Variants in AKR1C3 observed in about 807,000 individuals in gnomAD.
AKR1C3 encodes the protein 3-alpha hydroxysteroid dehydrogenase, type II.
In AKR1C3, 48 loss-of-function variants were observed where a neutral mutation model predicts 43.6. The ratio of observed to expected loss-of-function variants is 1.10; its 90% confidence interval spans 0.87 to 1.40. AKR1C3 has a LOEUF of 1.40. Ranked by LOEUF, AKR1C3 falls within the 40% of genes most tolerant of loss-of-function variation. AKR1C3 has a pLI of 0.00. For missense variants in AKR1C3, 482 were observed against 391.2 expected, an observed-to-expected ratio of 1.23 and a Z score of -1.96; for synonymous variants, 162 against 139.6, an observed-to-expected ratio of 1.16 and a Z score of -1.13.
intron 8 of AKR1C3, 127 bp downstream of exon 8, chr10:5,105,804 T>TC (rs1554787114): frequency 4.2e-6 from 3 of 712,438 alleles, no homozygotes; most frequent in African/African-American, 1.8e-5. Flanking sequence ...ACTGGAACTC[T>TC]CCTGCTGGAT....
At chr10:5,104,871 T>C (rs1485914059) in intron 7 of AKR1C3, among the ~76,000 whole-genome samples, 7 of 152,176 alleles carry the variant, frequency 4.6e-5, no homozygotes, top group Non-Finnish European at 1.0e-4. Context: ...TTCTAATGTG[T>C]AGAAATGTTA....
chr10:5,066,944 G>A (rs941906558), intron 1 of AKR1C3, among the ~76,000 whole-genome samples: 2 of 152,186 alleles, frequency 1.3e-5, no homozygotes, highest in Non-Finnish European at 2.9e-5. Flanking sequence ...CATGGAAAAA[G>A]CACTTAACAA....
intron 1 of AKR1C3, among the ~76,000 whole-genome samples, chr10:5,088,768 A>G (rs1479554395): frequency 6.6e-6 from 1 of 151,540 alleles, no homozygotes; most frequent in Admixed American, 6.6e-5. Flanking sequence ...TTTCTGTTCT[A>G]TTTCTTTTAA....
At chr10:5,092,873 T>C (rs1189219666), upstream of AKR1C3, among the ~76,000 whole-genome samples, 1 of 152,062 alleles carries the variant, frequency 6.6e-6, no homozygotes, top group African/African-American at 2.4e-5. Flanking sequence ...TATACCTTAT[T>C]ATTTTATTTG....
intron 2 of AKR1C3, 117 bp from the exon 3 acceptor site, chr10:5,097,317 T>C: frequency 2.5e-6 from 3 of 1,219,312 alleles, no homozygotes; most frequent in Non-Finnish European, 3.5e-6. Context: ...AGAATATGTT[T>C]GCCAGTGGTC....
intron 1 of AKR1C3, among the ~76,000 whole-genome samples, chr10:5,086,945 C>A (rs1187350946): frequency 6.7e-6 from 1 of 148,732 alleles, no homozygotes; most frequent in Non-Finnish European, 1.5e-5. Flanking sequence ...CTTCCTCCAT[C>A]CCTTTATTTT....
chr10:5,057,970 C>T (rs1838298139), intron 1 of AKR1C3, among the ~76,000 whole-genome samples: 1 of 152,310 alleles, frequency 6.6e-6, no homozygotes, highest in East Asian at 1.9e-4. Context: ...AAAACTTCCC[C>T]AGGTCTGCCT....
At chr10:5,077,146 C>T (rs566765779) in intron 1 of AKR1C3, among the ~76,000 whole-genome samples, 2 of 151,984 alleles carry the variant, frequency 1.3e-5, no homozygotes, top group East Asian at 3.9e-4. Context: ...TTAATATTCC[C>T]CTCTTGTCCA....
At chr10:5,071,844 G>C (rs532921111) in intron 1 of AKR1C3, among the ~76,000 whole-genome samples, 1 of 152,032 alleles carries the variant, frequency 6.6e-6, no homozygotes, top group African/African-American at 2.4e-5. Context: ...GTAATTTTCC[G>C]CTTGGCTGAT....
intron 8 of AKR1C3, among the ~76,000 whole-genome samples, chr10:5,107,111 T>C (rs9329316): frequency 0.26 from 40,122 of 152,052 alleles, 5,580 homozygotes; most frequent in Middle Eastern, 0.37. Context: ...CATTTCTGAA[T>C]CTTACAAAAT....
At chr10:5,092,176 G>C (rs1361206086), upstream of AKR1C3, among the ~76,000 whole-genome samples, 1 of 151,924 alleles carries the variant, frequency 6.6e-6, no homozygotes, top group Non-Finnish European at 1.5e-5. Context: ...TTATTGTTCT[G>C]TACATAATAC....
intron 1 of AKR1C3, among the ~76,000 whole-genome samples, chr10:5,060,033 T>C (rs1212786066): frequency 1.3e-5 from 2 of 152,100 alleles, no homozygotes; most frequent in East Asian, 3.9e-4. Context: ...GCTGCAGACC[T>C]TTGTGGTGAG....
intron 1 of AKR1C3, among the ~76,000 whole-genome samples, chr10:5,052,515 G>A (rs1199895779): frequency 6.6e-6 from 1 of 152,268 alleles, no homozygotes. Flanking sequence ...TTTTGACAGG[G>A]TGCTGATTGG....
At chr10:5,055,480 G>A (rs1838240610) in intron 1 of AKR1C3, among the ~76,000 whole-genome samples, 1 of 152,204 alleles carries the variant, frequency 6.6e-6, no homozygotes, top group Non-Finnish European at 1.5e-5. Context: ...ATCATGAGTA[G>A]TCCAGACAGT....
chr10:5,106,394 C>T (rs1180381794), intron 8 of AKR1C3, among the ~76,000 whole-genome samples: 1 of 152,148 alleles, frequency 6.6e-6, no homozygotes, highest in South Asian at 2.1e-4. Flanking sequence ...AAGATCTTTA[C>T]TATTCCTTCA....
chr10:5,099,471 T>A (rs1554785675), intron 5 of AKR1C3, 22 bp downstream of exon 5: 3 of 1,613,954 alleles, frequency 1.9e-6, no homozygotes, highest in Non-Finnish European at 2.5e-6. Context: ...TGGCCTTCTC[T>A]CCTTTCGGTT....
chr10:5,057,809 A>G (rs562149940), intron 1 of AKR1C3, among the ~76,000 whole-genome samples: 14 of 152,246 alleles, frequency 9.2e-5, no homozygotes, highest in African/African-American at 3.4e-4. Flanking sequence ...AAGATACCAC[A>G]TATCTCCAAA....
rs373271497 is a variant in AKR1C3, at chr10:5,096,589, A to G, written c.252+12A>G. 511 of 1,611,216 alleles carry G rather than the reference A, an allele frequency of 3.2e-4. No individual in the cohort carries two copies. The African/African-American group carries it at 4.6e-3, about 14-fold the overall frequency. ...TCTACACTTCAAAGGTACTGTGTCT[A>G]TGATGAGCTTGTGTGCACATGTATT... is the stretch of plus-strand genomic sequence containing the variant. On this transcript the variant is annotated intron_variant, in intron 2 of 8. Transcript: ENST00000380554.
At chr10:5,100,989 T>A (rs1330778217) in intron 5 of AKR1C3, among the ~76,000 whole-genome samples, 3 of 152,178 alleles carry the variant, frequency 2.0e-5, no homozygotes, top group Non-Finnish European at 4.4e-5. Context: ...TAGACCTAAA[T>A]AAAGTATGTC....
Sources: gnomAD v4.1 joint callset for allele counts (sites outside exome capture counted in the v4.1 genomes callset) on GRCh38, gnomAD v4.1.1 for gene constraint, MANE v1.5 for transcripts, NCBI Gene and HGNC (gene_info 2026-07-23, HGNC 2026-07-21) for gene names.